Variants in ARAP1 observed in about 807,000 individuals in gnomAD.
ARAP1 encodes the protein ArfGAP with RhoGAP domain, ankyrin repeat and PH domain 1.
ARAP1 carries 76 observed loss-of-function variants against 172.2 expected under a neutral mutation model. That is an observed-to-expected ratio of 0.44 (90% CI 0.37 to 0.53). The LOEUF (loss-of-function observed/expected upper bound fraction) is 0.53, where lower values mean the gene tolerates loss of function less well. ARAP1 is among the 20% of genes least tolerant of loss of function. The probability of loss-of-function intolerance (pLI) is 0.00; values close to 1 mark genes in which losing one functional copy is unlikely to be tolerated. For synonymous variants in ARAP1, 804 were observed against 803.3 expected, an observed-to-expected ratio of 1.00 and a Z score of -0.01; for missense variants, 1,686 against 1,977.5, an observed-to-expected ratio of 0.85 and a Z score of 2.80.
intron 30 of ARAP1, among the ~76,000 whole-genome samples, chr11:72,691,955 G>A (rs948990011): frequency 1.4e-4 from 21 of 152,258 alleles, no homozygotes; most frequent in Middle Eastern, 6.8e-3. Context: ...TTCACAGTAG[G>A]GTTCGCACTC....
In ARAP1 at chr11:72,695,988, G is replaced by T; in HGVS notation, c.3273-123C>A. 1.6e-6 allele frequency: 2 copies of T among 1,258,010 alleles called. No individual in the cohort carries two copies. Among genetic ancestry groups the T allele is most frequent in the Non-Finnish European group, 2.1e-6 (2 of 936,162 alleles). 77.9% of individuals were successfully genotyped at this position (1,258,010 alleles called of 1,614,324 possible). Reference sequence around the variant, plus strand: ...GAGGGGACCACTGTTTAACAGGGTAGGAACAGTTTTTCTGGCCATATCTTG... The same window carrying T: ...GAGGGGACCACTGTTTAACAGGGTATGAACAGTTTTTCTGGCCATATCTTG... On this transcript the variant is annotated intron_variant, in intron 23 of 34. Transcript: ENST00000393609. The surrounding 1 kb of genome is among the most constrained non-coding windows in gnomAD (Gnocchi z 4.4).
Position 72,695,871 on chromosome 11 carries a change from G to A in ARAP1, c.3273-6C>T. ...TGTCTGAGAAGCACTGAACACTGGA[G>A]AGGGGAGGAGGAGGGCTTTGAGTGA... is the stretch of plus-strand genomic sequence containing the variant. On this transcript the variant is annotated splice_region_variant and splice_polypyrimidine_tract_variant and intron_variant, in intron 23 of 34. Coordinates refer to ENST00000393609, the MANE Select transcript of ARAP1 (RefSeq NM_001040118.3). This position sits in a 1 kb window ranked among gnomAD's most constrained non-coding sequence, Gnocchi z 4.4. 1.2e-6 allele frequency: 2 copies of A among 1,608,624 alleles called. No homozygotes were observed. Among genetic ancestry groups the A allele is most frequent in the South Asian group, 1.1e-5 (1 of 89,936 alleles).
intron 7 of ARAP1, 59 bp downstream of exon 7, chr11:72,712,137 G>A (rs1857042317): frequency 6.7e-7 from 1 of 1,501,304 alleles, no homozygotes; most frequent in East Asian, 2.3e-5. Context: ...CTGGGGTCCT[G>A]GACACTGCCC....
intron 11 of ARAP1, among the ~76,000 whole-genome samples, chr11:72,709,421 C>G (rs1856909551): frequency 6.6e-6 from 1 of 152,178 alleles, no homozygotes; most frequent in Admixed American, 6.5e-5. Context: ...GTGGGCAAGG[C>G]TGCCCAGGGA....
In ARAP1 at chr11:72,699,400, T is replaced by G. The variant is rs1856371092; in HGVS notation, c.2438+17A>C. On this transcript the variant is annotated intron_variant, in intron 17 of 34. Coordinates refer to ENST00000393609, the MANE Select transcript of ARAP1 (RefSeq NM_001040118.3). The surrounding 1 kb of genome is among the most constrained non-coding windows in gnomAD (Gnocchi z 4.2). Reference sequence around the variant, plus strand: ...ACCTTATAGCAACCACAGTCTGATTTGCCCAGGAGTACTCACCCATGGGTG... The same window carrying G: ...ACCTTATAGCAACCACAGTCTGATTGGCCCAGGAGTACTCACCCATGGGTG... 2 of 1,613,934 alleles carry G rather than the reference T, an allele frequency of 1.2e-6. No individual in the cohort carries two copies. The highest frequency in any genetic ancestry group is 1.7e-6 in the Non-Finnish European group (2 of 1,179,954).
chr11:72,709,785 G>A (rs939092069), intron 11 of ARAP1, 85 bp downstream of exon 11: 5 of 1,442,778 alleles, frequency 3.5e-6, no homozygotes, highest in Non-Finnish European at 4.9e-6. Context: ...CCATCCCATA[G>A]GAAGGGGCAG....
Position 72,703,410 on chromosome 11 carries a change from G to GT in ARAP1, c.1993-332_1993-331insA, listed in dbSNP as rs1031582103. Reference sequence around the variant, plus strand: ...CTCCTTCTGCCTTGTGGAGGAGCCGGGGGGGGGGTGTGCTTTGTAGCTAAT... The same window carrying GT: ...CTCCTTCTGCCTTGTGGAGGAGCCGGTGGGGGGGGTGTGCTTTGTAGCTAAT... On this transcript the variant is annotated intron_variant, in intron 14 of 34. Coordinates refer to ENST00000393609, the MANE Select transcript of ARAP1 (RefSeq NM_001040118.3). 4.4e-4 allele frequency: 28 copies of GT among 63,726 alleles called. 1 individual carries two copies. Among genetic ancestry groups the GT allele is most frequent in the South Asian group, 2.4e-3 (5 of 2,064 alleles). 3.9% of individuals were successfully genotyped at this position (63,726 alleles called of 1,614,324 possible).
intron 21 of ARAP1, 25 bp downstream of exon 21, chr11:72,697,298 C>T (rs752033027): frequency 4.1e-5 from 64 of 1,573,886 alleles, no homozygotes; most frequent in Non-Finnish European, 5.3e-5. Context: ...AGGGGCGGGG[C>T]TGGCACCCTA....
intron 27 of ARAP1, among the ~76,000 whole-genome samples, chr11:72,694,328 C>T (rs377624761): frequency 3.2e-4 from 48 of 152,020 alleles, no homozygotes; most frequent in African/African-American, 1.1e-3. Context: ...GATGGTCTTG[C>T]ATTGCTGCTA....
chr11:72,736,243 T>C (rs1858020786), intron 1 of ARAP1, among the ~76,000 whole-genome samples: 1 of 150,488 alleles, frequency 6.6e-6, no homozygotes, highest in Non-Finnish European at 1.5e-5. Context: ...AGTTACCTTT[T>C]TTTTTTTTTT....
rs2135480274 is a variant in ARAP1 at position 72,686,120 on chromosome 11, A to G, written c.4257T>C (p.Ser1419=). The change falls in exon 34 of 35, where the codon AGT becomes AGC. Residue 1419 remains serine (S), a synonymous_variant. Coordinates refer to ENST00000393609, the MANE Select transcript of ARAP1 (RefSeq NM_001040118.3). ...TACCTCGAAGGGGGATCAGTGACACACTACCCAGCCGGACCTCAGGCACTG... is the reference window on the plus strand; with the variant it reads ...TACCTCGAAGGGGGATCAGTGACACGCTACCCAGCCGGACCTCAGGCACTG... ...SRAVPEVRLG[S]VSLIPLRGSE... is the part of the protein sequence containing the mutation. 6.2e-7 allele frequency: 1 copy of G among 1,613,962 alleles called. No homozygotes were observed.
In ARAP1 at chr11:72,697,014, G is replaced by A. The variant is rs1291998428; in HGVS notation, c.3135C>T (p.Arg1045=). The A allele has an allele frequency of 1.9e-6, 3 of 1,608,592 alleles. No homozygotes were observed. In the East Asian group the frequency reaches 6.7e-5, roughly 36 times the overall value. The part of the protein sequence containing the change: ...LRDLPDGLFT[R]AQRLTWLEAS... ...CCTCCAGCCAGGTTAGGCGCTGGGCGCGAGTGAAGAGCCCATCAGGCAGGT... is the reference window on the plus strand; with the variant it reads ...CCTCCAGCCAGGTTAGGCGCTGGGCACGAGTGAAGAGCCCATCAGGCAGGT... The change falls in exon 22 of 35, where the codon CGC becomes CGT. Residue 1045 remains arginine (R), a synonymous_variant. Transcript: ENST00000393609.
chr11:72,723,574 G>A (rs1304472525), intron 3 of ARAP1, among the ~76,000 whole-genome samples: 3 of 152,184 alleles, frequency 2.0e-5, no homozygotes, highest in African/African-American at 7.2e-5. Flanking sequence ...CTGGGATGAC[G>A]TAGGTTGGGT....
intron 33 of ARAP1, chr11:72,687,181 T>A: frequency 5.6e-6 from 3 of 537,508 alleles, no homozygotes; most frequent in Non-Finnish European, 1.0e-5. Flanking sequence ...CACTTCTGAG[T>A]CTGTTTTCCT....
chr11:72,734,728 T>C (rs1367947736), intron 1 of ARAP1, among the ~76,000 whole-genome samples: 1 of 151,988 alleles, frequency 6.6e-6, no homozygotes. Context: ...TCTAGCCCTG[T>C]GCTGTCCAAT....
chr11:72,706,730 C>CAG (rs1175230888), intron 12 of ARAP1, among the ~76,000 whole-genome samples: 3 of 152,174 alleles, frequency 2.0e-5, no homozygotes, highest in African/African-American at 7.2e-5. Flanking sequence ...ACCCACCAGC[C>CAG]AGAGTCTGAC....
chr11:72,692,731 C>A (rs1855992538), intron 30 of ARAP1, 22 bp downstream of exon 30: 1 of 1,613,650 alleles, frequency 6.2e-7, no homozygotes, highest in Middle Eastern at 1.7e-4. Context: ...AGGCAGCTGG[C>A]AGTCAGCCCA....
chr11:72,688,353 CACCT>C, intron 31 of ARAP1, 98 bp downstream of exon 31: 1 of 1,025,592 alleles, frequency 9.8e-7, no homozygotes, highest in Non-Finnish European at 1.5e-6. Context: ...AGAGCCCCTG[CACCT>C]ATCTCTGTCA....
At chr11:72,747,978 T>C (rs376029191) in intron 1 of ARAP1, among the ~76,000 whole-genome samples, 74 of 152,336 alleles carry the variant, frequency 4.9e-4, no homozygotes, top group African/African-American at 1.7e-3. Context: ...CTCCCAGTGC[T>C]TGTGGTTTTC....
Sources: allele counts gnomAD v4.1 joint callset (sites outside exome capture counted in the v4.1 genomes callset), GRCh38; gene constraint gnomAD v4.1.1; non-coding constraint Gnocchi (gnomAD v3.1); transcripts MANE v1.5; gene names NCBI Gene and HGNC (gene_info 2026-07-23, HGNC 2026-07-21).